RNF43: variants seen among roughly 807,000 people sequenced by gnomAD.
RNF43 encodes the protein E3 ubiquitin-protein ligase RNF43.
A neutral mutation model predicts 78.4 loss-of-function variants in RNF43; 37 were observed. That is an observed-to-expected ratio of 0.47 (90% CI 0.36 to 0.62). The LOEUF is 0.62. Ranked by LOEUF, RNF43 falls within the 20% of genes least tolerant of loss-of-function variation. RNF43 has a pLI of 0.00. For missense variants in RNF43, 774 were observed against 1,007.9 expected, an observed-to-expected ratio of 0.77 and a Z score of 3.14; for synonymous variants, 347 against 395.0, an observed-to-expected ratio of 0.88 and a Z score of 1.44.
At chr17:58,412,682 A>C (rs1215687187) in intron 2 of RNF43, among the ~76,000 whole-genome samples, 1 of 152,136 alleles carries the variant, frequency 6.6e-6, no homozygotes, top group Non-Finnish European at 1.5e-5. Flanking sequence ...TGTCTAAGAA[A>C]AAATTAAAAT....
chr17:58,415,254 C>T (rs561229321), intron 2 of RNF43, 72 bp downstream of exon 2: 2 of 1,531,568 alleles, frequency 1.3e-6, no homozygotes, highest in African/African-American at 1.4e-5. Flanking sequence ...TATGGTATTT[C>T]ATTTGGGAGA....
At chr17:58,370,115 C>T (rs929129207) in intron 3 of RNF43, among the ~76,000 whole-genome samples, 1 of 138,846 alleles carries the variant, frequency 7.2e-6, no homozygotes, top group East Asian at 2.2e-4. Context: ...GTCACCCAGG[C>T]TGGAGTGCAG....
intron 2 of RNF43, among the ~76,000 whole-genome samples, chr17:58,393,792 C>G (rs907668759): frequency 6.6e-6 from 1 of 152,162 alleles, no homozygotes; most frequent in Non-Finnish European, 1.5e-5. Flanking sequence ...CGGTGGCTCA[C>G]GCCTGTAATC....
At chr17:58,391,300 T>TG (rs764656971) in intron 2 of RNF43, among the ~76,000 whole-genome samples, 6 of 152,216 alleles carry the variant, frequency 3.9e-5, no homozygotes, top group Non-Finnish European at 8.8e-5. Flanking sequence ...TGTTTATTCC[T>TG]GGTCAGGGAT....
chr17:58,357,808 C>T lies in RNF43; in HGVS notation c.1968G>A (p.Arg656=), dbSNP rs1598126077. ...GGGTGGGCTCGGAGGGACCCCCCCG[C>T]CTTTTCCTCTGTGGGTGTCGGGCAG... ...SLSARHPQRK[R]RGGPSEPTPG... The change falls in exon 9 of 10, where the codon AGG becomes AGA. Residue 656 remains arginine (R), a synonymous_variant. Coordinates refer to ENST00000407977, the MANE Select transcript of RNF43 (RefSeq NM_017763.6). The surrounding 1 kb of genome is among the most constrained non-coding windows in gnomAD (Gnocchi z 4.5). 2.5e-6 allele frequency: 4 copies of T among 1,614,150 alleles called. No individual in the cohort carries two copies. The African/African-American group carries it at 4.0e-5, about 16-fold the overall frequency.
chr17:58,369,379 C>A (rs949385796), intron 3 of RNF43, among the ~76,000 whole-genome samples: 2 of 152,212 alleles, frequency 1.3e-5, no homozygotes, highest in Non-Finnish European at 2.9e-5. Flanking sequence ...AATATCTTCA[C>A]CCACATTCAG....
At position 58,354,377 on chromosome 17, in the gene RNF43, C is replaced by T. The variant is rs767284678; in HGVS notation, c.*566G>A. On this transcript the variant is annotated 3_prime_UTR_variant, in exon 10 of 10. Transcript: ENST00000407977. ...TTCAGGGACCCCTCCTTTTAGTGCT[C>T]AGGGCTCACCTATGCTACTGGTCCT... is the stretch of plus-strand genomic sequence containing the variant. 3 of 216,110 alleles carry T rather than the reference C, an allele frequency of 1.4e-5. No homozygotes were observed. Among genetic ancestry groups the T allele is most frequent in the African/African-American group, 2.3e-5 (1 of 44,200 alleles). The allele number at this position is 216,110 out of a possible 1,614,324, so 13.4% of individuals were successfully genotyped here.
At chr17:58,362,670 A>G (rs2143461284) in intron 5 of RNF43, 22 bp from the exon 6 acceptor site, 1 of 1,579,298 alleles carries the variant, frequency 6.3e-7, no homozygotes, top group Non-Finnish European at 8.7e-7. Context: ...GCAGAGAGGG[A>G]AAGGGTCATA....
At chr17:58,405,756 AAG>A (rs1204801345) in intron 2 of RNF43, among the ~76,000 whole-genome samples, 3 of 150,192 alleles carry the variant, frequency 2.0e-5, no homozygotes, top group Admixed American at 6.6e-5. Flanking sequence ...GAAAGAAAGA[AAG>A]AAAGAAAAAG....
At chr17:58,383,498 T>A (rs568811371) in intron 2 of RNF43, among the ~76,000 whole-genome samples, 1 of 152,258 alleles carries the variant, frequency 6.6e-6, no homozygotes, top group East Asian at 1.9e-4. Flanking sequence ...AGACAGGGTC[T>A]CCCTGTGTTG....
intron 3 of RNF43, among the ~76,000 whole-genome samples, chr17:58,368,555 A>G (rs1973003761): frequency 6.6e-6 from 1 of 151,482 alleles, no homozygotes; most frequent in Non-Finnish European, 1.5e-5. Flanking sequence ...TCGTTAAAAA[A>G]AAAAAAAATT....
chr17:58,415,129 T>C (rs544205103), intron 2 of RNF43, among the ~76,000 whole-genome samples, 197 bp downstream of exon 2: 4 of 152,318 alleles, frequency 2.6e-5, no homozygotes, highest in South Asian at 2.1e-4. Flanking sequence ...TTCTAAAATA[T>C]AGGATTTATG....
Position 58,363,533 on chromosome 17 carries a change from G to C in RNF43, c.443C>G (p.Ala148Gly), listed in dbSNP as rs142178517. 59 of 1,612,244 alleles carry C rather than the reference G, an allele frequency of 3.7e-5. No individual in the cohort carries two copies. Among genetic ancestry groups the C allele is most frequent in the Non-Finnish European group, 4.5e-5 (53 of 1,178,706 alleles). The change falls in exon 4 of 10, where the codon GCT (alanine) becomes GGT (glycine). Residue 148 changes from alanine (A) to glycine (G), a missense_variant. By Grantham distance (60) the Ala-to-Gly change is moderately conservative (BLOSUM62 0). Transcript: ENST00000407977. ...LFDITEDRAA[A>G]EQLQQPLGLT... ...GCAAATGTCCCTGGGTACCTGCTCA[G>C]CAGCAGCTCGATCCTCAGTGATGTC...
intron 3 of RNF43, among the ~76,000 whole-genome samples, chr17:58,366,992 ATT>A (rs60382535): frequency 6.5e-5 from 8 of 122,790 alleles, no homozygotes; most frequent in Non-Finnish European, 6.5e-5. Flanking sequence ...GGCCCGGCTA[ATT>A]TTTTTTTTTT....
intron 2 of RNF43, among the ~76,000 whole-genome samples, chr17:58,389,107 TGAAGA>T (rs1329871259): frequency 6.6e-6 from 1 of 152,032 alleles, no homozygotes; most frequent in Non-Finnish European, 1.5e-5. Context: ...ACTAGTGCAA[TGAAGA>T]GAAAACTAGT....
rs898966108 is a variant in RNF43, at chr17:58,417,415, C to T, written c.-784G>A. On this transcript the variant is annotated 5_prime_UTR_variant, in exon 1 of 10. The change abolishes the stop of an existing upstream ORF in the 5' untranslated region. Coordinates refer to ENST00000407977, the MANE Select transcript of RNF43 (RefSeq NM_017763.6). ...AGCAAATACATCAACAATTCACTAT[C>T]AGAAACACATAAAATCCCAGAGAGA... 1 of 152,224 alleles carries T rather than the reference C, an allele frequency of 6.6e-6. No homozygotes were observed. Among genetic ancestry groups the T allele is most frequent in the African/African-American group, 2.4e-5 (1 of 41,464 alleles). The allele number at this position is 152,224 out of a possible 1,614,324, so 9.4% of individuals were successfully genotyped here. A position where few individuals can be genotyped will look rare whatever the true frequency, so the allele number is the denominator to read the frequency against.
At chr17:58,374,041 T>C (rs1370271388) in intron 2 of RNF43, among the ~76,000 whole-genome samples, 1 of 152,238 alleles carries the variant, frequency 6.6e-6, no homozygotes, top group Non-Finnish European at 1.5e-5. Flanking sequence ...GATTGTTCTA[T>C]GCACTTTTTC....
chr17:58,385,235 TTTAA>T (rs1336058841), intron 2 of RNF43, among the ~76,000 whole-genome samples: 20 of 152,356 alleles, frequency 1.3e-4, no homozygotes, highest in African/African-American at 4.3e-4. Flanking sequence ...CTCCAGTATC[TTTAA>T]TTATGATTTC....
In RNF43 at chr17:58,415,428, C is replaced by G. The variant is rs1974103080; in HGVS notation, c.150G>C (p.Val50=). 6.2e-7 allele frequency: 1 copy of G among 1,614,130 alleles called. No homozygotes were observed. Among genetic ancestry groups the G allele is most frequent in the Admixed American group, 1.7e-5 (1 of 60,008 alleles). Residue 50 remains valine (V), a synonymous_variant, in exon 2 of 10, where the codon GTG becomes GTC. Transcript: ENST00000407977. ...RSAEQKAIIR[V]IPLKMDPTGK... The stretch of plus-strand genomic sequence containing the variant: ...CTGTGGGGTCCATTTTCAAGGGGAT[C>G]ACTCTGATAATAGCTTTCTGTTCTG...
Sources: allele counts gnomAD v4.1 joint callset (sites outside exome capture counted in the v4.1 genomes callset), GRCh38; gene constraint gnomAD v4.1.1; non-coding constraint Gnocchi (gnomAD v3.1); transcripts MANE v1.5; gene names NCBI Gene and HGNC (gene_info 2026-07-23, HGNC 2026-07-21).